The following TNNT3 variants were observed in gnomAD, a reference collection of about 807,000 sequenced individuals.
The protein encoded by TNNT3 is troponin T, fast skeletal muscle.
A neutral mutation model predicts 54.2 loss-of-function variants in TNNT3; 36 were observed. The ratio of observed to expected loss-of-function variants is 0.66; its 90% CI spans 0.51 to 0.88. The LOEUF is 0.88. TNNT3 is among the 40% of genes least tolerant of loss of function. TNNT3 has a pLI of 0.00. For synonymous variants in TNNT3, 120 were observed against 109.7 expected, an observed-to-expected ratio of 1.09 and a Z score of -0.59; for missense variants, 291 against 331.6, an observed-to-expected ratio of 0.88 and a Z score of 0.95.
At chr11:1,925,290 G>A in intron 5 of TNNT3, 174 bp downstream of exon 5, 1 of 1,594,996 alleles carries the variant, frequency 6.3e-7, no homozygotes, top group South Asian at 1.1e-5. Context: ...TGAGGACACA[G>A]GACTTCTTGT....
rs1854499390 is a variant in TNNT3 at position 1,934,845 on chromosome 11, C to G, written c.607C>G (p.Leu203Val). 6.2e-7 allele frequency: 1 copy of G among 1,613,568 alleles called. No individual in the cohort carries two copies. Among genetic ancestry groups the G allele is most frequent in the Non-Finnish European group, 8.5e-7 (1 of 1,180,042 alleles). Residue 203 changes from leucine to valine, a missense_variant, in exon 14 of 16, where the codon CTC becomes GTC. Coordinates refer to ENST00000278317, the MANE Select transcript of TNNT3 (RefSeq NM_006757.4). ...CTGCCCCAGGGACAAGGCCAAGGAG[C>G]TCTGGGAGACCCTGCACCAGCTGGA... The part of the protein sequence containing the change: ...EDKLRDKAKE[L>V]WETLHQLEID...
chr11:1,921,890 G>A (rs735955), intron 1 of TNNT3, among the ~76,000 whole-genome samples: 49,330 of 152,120 alleles, frequency 0.32, 9,173 homozygotes, highest in East Asian at 0.6. Flanking sequence ...CAGTGTGCAC[G>A]GTGGCCAGCT....
intron 4 of TNNT3, 153 bp from the exon 5 acceptor site, chr11:1,924,946 C>G (rs912510350): frequency 2.4e-5 from 19 of 796,016 alleles, no homozygotes; most frequent in Middle Eastern, 3.4e-4. Context: ...GGACTGAGCC[C>G]CATCTTTCAC....
chr11:1,928,291 T>G (rs1852210649), intron 6 of TNNT3, among the ~76,000 whole-genome samples: 1 of 152,062 alleles, frequency 6.6e-6, no homozygotes, highest in African/African-American at 2.4e-5. Context: ...GGGCCCCAGC[T>G]GGGCCAGGCC....
chr11:1,926,754 C>T (rs1392556533), intron 6 of TNNT3, 45 bp downstream of exon 6: 2 of 1,612,060 alleles, frequency 1.2e-6, no homozygotes, highest in Admixed American at 3.3e-5. Flanking sequence ...CTCCGTCCTC[C>T]CTTCTGTCCT....
intron 13 of TNNT3, 37 bp from the exon 14 acceptor site, chr11:1,934,792 C>T (rs1028654062): frequency 6.2e-7 from 1 of 1,607,952 alleles, no homozygotes; most frequent in Non-Finnish European, 8.5e-7. Context: ...GCCTTTGGGG[C>T]TTATTCAACG....
Position 1,938,528 on chromosome 11 carries a change from C to G in TNNT3, c.*36C>G. The G allele has an allele frequency of 6.2e-7, 1 of 1,605,744 alleles. No homozygotes were observed. Among genetic ancestry groups the G allele is most frequent in the Non-Finnish European group, 8.5e-7 (1 of 1,173,898 alleles). On this transcript the variant is annotated 3_prime_UTR_variant, in exon 16 of 16. Transcript: ENST00000278317. ...AAGGCCCCTCGAGGCAGAGACCCTCCGCCCTCTTGCACACCAGGGCCGCTC... is the reference window on the plus strand; with the variant it reads ...AAGGCCCCTCGAGGCAGAGACCCTCGGCCCTCTTGCACACCAGGGCCGCTC...
At chr11:1,929,906 C>T (rs1329666115) in intron 8 of TNNT3, 78 bp downstream of exon 8, 1 of 1,521,906 alleles carries the variant, frequency 6.6e-7, no homozygotes, top group Admixed American at 2.0e-5. Flanking sequence ...GGGGTCCTGG[C>T]AGGCCCAGTG....
intron 8 of TNNT3, among the ~76,000 whole-genome samples, chr11:1,930,135 C>T (rs565096309): frequency 2.0e-5 from 3 of 152,192 alleles, no homozygotes; most frequent in African/African-American, 7.2e-5. Context: ...CAGGGTCATC[C>T]AGTGCAGACA....
chr11:1,923,985 A>G (rs956601649), intron 4 of TNNT3, among the ~76,000 whole-genome samples: 1 of 150,518 alleles, frequency 6.6e-6, no homozygotes, highest in Non-Finnish European at 1.5e-5. Context: ...CCCTCCCGGC[A>G]TCTCAGAGTC....
At position 1,933,710 on chromosome 11, in the gene TNNT3, C is replaced by G. The variant is rs755497507; in HGVS notation, c.172-11C>G. 2.5e-6 allele frequency: 4 copies of G among 1,609,926 alleles called. No homozygotes were observed. Among genetic ancestry groups the G allele is most frequent in the Non-Finnish European group, 3.4e-6 (4 of 1,177,212 alleles). ...AGGGGTGGGGCTCACACCCACTGCC[C>G]CTGCCCACAGGACATCCAGAAGAAG... On this transcript the variant is annotated splice_polypyrimidine_tract_variant and intron_variant, in intron 9 of 15. Transcript: ENST00000278317.
In TNNT3 at chr11:1,934,427, C is replaced by T. The variant is rs1403163550; in HGVS notation, c.462C>T (p.Tyr154=). 3.7e-6 allele frequency: 6 copies of T among 1,613,704 alleles called. No individual in the cohort carries two copies. The Admixed American group carries it at 5.0e-5, about 13-fold the overall frequency. ...CTCTGTCTTCCATGGGAGCCAACTA[C>T]AGCAGCTACCTGGCCAAGGTGTGTG... ...KKALSSMGAN[Y]SSYLAKADQK... Residue 154 remains tyrosine, a synonymous_variant, in exon 12 of 16, where the codon TAC becomes TAT. Transcript: ENST00000278317.
At position 1,931,614 on chromosome 11, in the gene TNNT3, A is replaced by G. The variant is rs1853377127; in HGVS notation, c.126-855A>G. Among the ~76,000 whole-genome samples, 3 of 151,642 alleles carry G rather than the reference A, an allele frequency of 2.0e-5. No homozygotes were observed. The South Asian group carries it at 6.2e-4, about 32-fold the overall frequency. ...CCATTGCTCATTTGTCTCCTGGTGGAGGAATCTCTGTGTTTTCTTAGTCAT... is the reference window on the plus strand; with the variant it reads ...CCATTGCTCATTTGTCTCCTGGTGGGGGAATCTCTGTGTTTTCTTAGTCAT... On this transcript the variant is annotated intron_variant, in intron 8 of 15. Coordinates refer to ENST00000278317, the MANE Select transcript of TNNT3 (RefSeq NM_006757.4).
intron 14 of TNNT3, 128 bp from the exon 15 acceptor site, chr11:1,936,835 C>T (rs574893845): frequency 1.1e-6 from 1 of 913,510 alleles, no homozygotes; most frequent in African/African-American, 1.6e-5. Flanking sequence ...AGCCGAGGAG[C>T]CCTCATGGGG....
At chr11:1,932,325 C>T (rs995030269) in intron 8 of TNNT3, 144 bp from the exon 9 acceptor site, 11 of 799,440 alleles carry the variant, frequency 1.4e-5, no homozygotes, top group South Asian at 1.2e-4. Flanking sequence ...CTGGGGCAAA[C>T]GTGTCACTAG....
intron 14 of TNNT3, chr11:1,936,396 C>T: frequency 1.1e-6 from 1 of 943,456 alleles, no homozygotes; most frequent in Admixed American, 2.1e-5. Context: ...CCGCTCTCCC[C>T]TCGTGCCTGC....
At chr11:1,928,958 C>T (rs1332203997) in intron 6 of TNNT3, 162 bp from the exon 7 acceptor site, 1 of 827,168 alleles carries the variant, frequency 1.2e-6, no homozygotes, top group Admixed American at 1.8e-5. Flanking sequence ...CCGGCCCCAG[C>T]TTGGGGCACT....
At chr11:1,924,795 G>T in intron 4 of TNNT3, 1 of 577,466 alleles carries the variant, frequency 1.7e-6, no homozygotes, top group Non-Finnish European at 3.1e-6. Context: ...GTGCACAGGC[G>T]CCTCCAGGCA....
chr11:1,934,676 G>A (rs1589993037), intron 13 of TNNT3, 21 bp downstream of exon 13: 2 of 1,608,714 alleles, frequency 1.2e-6, no homozygotes, highest in East Asian at 2.2e-5. Context: ...GGTGTTGTGG[G>A]GCTCAGCCCC....
Sources: allele counts gnomAD v4.1 joint callset (sites outside exome capture counted in the v4.1 genomes callset), GRCh38; gene constraint gnomAD v4.1.1; transcripts MANE v1.5; gene names NCBI Gene and HGNC (gene_info 2026-07-23, HGNC 2026-07-21).